Variants in CCDC192 observed in about 807,000 individuals in gnomAD.
CCDC192 encodes the protein coiled-coil domain-containing protein 192.
chr5:127,767,716 C>T (rs2126902530), intron 3 of CCDC192, among the ~76,000 whole-genome samples: 1 of 152,250 alleles, frequency 6.6e-6, no homozygotes, highest in African/African-American at 2.4e-5. Flanking sequence ...GCATCCCTAA[C>T]TTTATATTTC....
chr5:127,828,141 A>G (rs993523725), intron 5 of CCDC192, among the ~76,000 whole-genome samples: 1 of 152,162 alleles, frequency 6.6e-6, no homozygotes, highest in African/African-American at 2.4e-5. Flanking sequence ...TCCTGACCGC[A>G]GGTGGTCTGC....
At chr5:127,916,912 C>A (rs1753536381) in intron 6 of CCDC192, among the ~76,000 whole-genome samples, 1 of 152,192 alleles carries the variant, frequency 6.6e-6, no homozygotes. Context: ...TCATCCTGCC[C>A]TTTGAAGCCA....
intron 2 of CCDC192, among the ~76,000 whole-genome samples, chr5:127,734,073 T>G: frequency 1.4e-5 from 1 of 70,380 alleles, no homozygotes; most frequent in Admixed American, 1.9e-4. Flanking sequence ...CTATCCCTCC[T>G]CCCTCCCCCC....
In CCDC192 at chr5:127,924,914, C is replaced by T. The variant is rs187154126; in HGVS notation, c.536-16268C>T. 5.3e-4 allele frequency among the ~76,000 whole-genome samples: 81 copies of T among 152,162 alleles called. No homozygotes were observed. In the East Asian group the frequency reaches 0.014, roughly 26 times the overall value. On this transcript the variant is annotated intron_variant, in intron 6 of 6. Transcript: ENST00000514853. ...TATCCCCCTCTTTACTCCTATCTCA[C>T]AAGTACAGAGGAGGAAGCTATGGAA... is the stretch of plus-strand genomic sequence containing the variant.
intron 6 of CCDC192, among the ~76,000 whole-genome samples, chr5:127,877,653 A>G (rs1752136759): frequency 7.8e-6 from 1 of 127,912 alleles, no homozygotes; most frequent in Admixed American, 8.1e-5. Context: ...CCAGAATAAT[A>G]TTAACTGGCA....
intron 3 of CCDC192, among the ~76,000 whole-genome samples, chr5:127,792,525 CATATATATATAT>C: frequency 7.1e-6 from 1 of 141,298 alleles, no homozygotes; most frequent in African/African-American, 2.6e-5. Flanking sequence ...ATCACCATCT[CATATATATATAT>C]ATATATATAT....
intron 3 of CCDC192, among the ~76,000 whole-genome samples, chr5:127,795,221 C>G (rs192889431): frequency 7.1e-6 from 1 of 141,264 alleles, no homozygotes; most frequent in Admixed American, 7.7e-5. Flanking sequence ...GCCCCAGAGG[C>G]GAAGGTTGCA....
At chr5:127,935,967 G>A (rs535701721) in intron 6 of CCDC192, among the ~76,000 whole-genome samples, 35 of 152,260 alleles carry the variant, frequency 2.3e-4, no homozygotes, top group Middle Eastern at 3.4e-3. Flanking sequence ...ATCCGAGTGT[G>A]GTGGCTCATG....
intron 2 of CCDC192, among the ~76,000 whole-genome samples, chr5:127,747,751 C>T (rs369800939): frequency 6.7e-6 from 1 of 148,406 alleles, no homozygotes; most frequent in Non-Finnish European, 1.5e-5. Context: ...TATTTCTCCA[C>T]ATCCTCTCCA....
chr5:127,870,651 G>A (rs535527324), intron 5 of CCDC192, among the ~76,000 whole-genome samples: 4 of 152,274 alleles, frequency 2.6e-5, no homozygotes, highest in African/African-American at 9.6e-5. Flanking sequence ...GCGACTAAAC[G>A]ATTGTGAATC....
chr5:127,762,453 G>A (rs1162487454), intron 3 of CCDC192, among the ~76,000 whole-genome samples: 2 of 152,144 alleles, frequency 1.3e-5, no homozygotes, highest in Non-Finnish European at 2.9e-5. Flanking sequence ...TTGTTACTGG[G>A]TTGTTGGCAT....
Position 127,756,516 on chromosome 5 carries a change from G to T in CCDC192, c.222+2141G>T, listed in dbSNP as rs543158544. 1.7e-4 allele frequency among the ~76,000 whole-genome samples: 26 copies of T among 152,326 alleles called. No homozygotes were observed. The South Asian group carries it at 5.0e-3, about 29-fold the overall frequency. ...TGCGATGGCAGAACTGGTTGGGGCA[G>T]ATTACCATCTGAGTGGTGTCAGCTG... On this transcript the variant is annotated intron_variant, in intron 3 of 6. Coordinates refer to ENST00000514853, the MANE Select transcript of CCDC192 (RefSeq NM_001317938.2).
At chr5:127,720,483 G>T (rs1751955948) in intron 2 of CCDC192, among the ~76,000 whole-genome samples, 1 of 152,228 alleles carries the variant, frequency 6.6e-6, no homozygotes, top group Admixed American at 6.5e-5. Flanking sequence ...CATTGAGTGT[G>T]CCTGCAGCTT....
At chr5:127,834,769 G>T (rs1580728032) in intron 5 of CCDC192, among the ~76,000 whole-genome samples, 1 of 152,182 alleles carries the variant, frequency 6.6e-6, no homozygotes, top group South Asian at 2.1e-4. Context: ...TAGTAAAACA[G>T]CTGTGTCTTG....
chr5:127,919,069 A>G (rs956713127), intron 6 of CCDC192, among the ~76,000 whole-genome samples: 101 of 131,386 alleles, frequency 7.7e-4, no homozygotes, highest in African/African-American at 3.1e-3. Context: ...GTGTGTGTGT[A>G]TATATGTGTG....
intron 2 of CCDC192, among the ~76,000 whole-genome samples, chr5:127,712,121 T>C (rs1751374075): frequency 6.6e-6 from 1 of 152,212 alleles, no homozygotes; most frequent in Non-Finnish European, 1.5e-5. Context: ...TTTTTACTGC[T>C]TTCTTTCACT....
chr5:127,921,643 T>A (rs1753724714), intron 6 of CCDC192, among the ~76,000 whole-genome samples: 1 of 152,154 alleles, frequency 6.6e-6, no homozygotes, highest in East Asian at 1.9e-4. Flanking sequence ...TGGATTAACA[T>A]TTTTCTTTTA....
At chr5:127,846,078 C>G (rs1750519777) in intron 5 of CCDC192, among the ~76,000 whole-genome samples, 1 of 152,064 alleles carries the variant, frequency 6.6e-6, no homozygotes, top group Non-Finnish European at 1.5e-5. Context: ...ATCATGAGGT[C>G]AGGAGTTCGA....
intron 3 of CCDC192, among the ~76,000 whole-genome samples, chr5:127,792,677 G>A (rs1266820545): frequency 2.6e-5 from 4 of 151,692 alleles, no homozygotes; most frequent in Non-Finnish European, 4.4e-5. Flanking sequence ...TTGCACTCCA[G>A]CTTGGGTGAC....
Sources: allele counts gnomAD v4.1 joint callset (sites outside exome capture counted in the v4.1 genomes callset), GRCh38; gene constraint gnomAD v4.1.1; transcripts MANE v1.5; gene names NCBI Gene and HGNC (gene_info 2026-07-23, HGNC 2026-07-21).